The following CCDC68 variants were observed in gnomAD, a reference collection of about 807,000 sequenced individuals.
CCDC68 encodes coiled-coil domain containing 68, also known as coiled-coil domain-containing protein 68.
Under a neutral mutation model 47.1 loss-of-function variants are expected in CCDC68, and 45 were observed. The ratio of observed to expected loss-of-function variants is 0.96; its 90% CI spans 0.75 to 1.23. The LOEUF (loss-of-function observed/expected upper bound fraction) is 1.23, where lower values mean the gene tolerates loss of function less well. CCDC68 is among the 50% of genes most tolerant of loss of function. CCDC68 has a pLI of 0.00. For synonymous variants in CCDC68, 131 were observed against 129.5 expected, an observed-to-expected ratio of 1.01 and a Z score of -0.08; for missense variants, 353 against 373.6, an observed-to-expected ratio of 0.94 and a Z score of 0.45.
chr18:54,904,680 A>G (rs1913884621), intron 11 of CCDC68, among the ~76,000 whole-genome samples: 1 of 152,182 alleles, frequency 6.6e-6, no homozygotes, highest in Non-Finnish European at 1.5e-5. Flanking sequence ...CGGAGAGAGG[A>G]AGAGCCTGTA....
Position 54,903,688 on chromosome 18 carries a change from G to C in CCDC68, c.*670C>G, listed in dbSNP as rs1913811372. 1 of 152,122 alleles carries C rather than the reference G, an allele frequency of 6.6e-6. No homozygotes were observed. The highest frequency in any genetic ancestry group is 6.6e-5 in the Admixed American group (1 of 15,260). 9.4% of individuals were successfully genotyped at this position (152,122 alleles called of 1,614,324 possible). A position where few individuals can be genotyped will look rare whatever the true frequency, so the allele number is the denominator to read the frequency against. ...CTCTAGAAACCAATTTTTAATCCCA[G>C]AACTAAGAAGAACAGTCATTCTCTG... On this transcript the variant is annotated 3_prime_UTR_variant, in exon 12 of 12. Transcript: ENST00000591504.
intron 10 of CCDC68, among the ~76,000 whole-genome samples, chr18:54,908,266 T>C (rs1439796749): frequency 6.6e-6 from 1 of 152,196 alleles, no homozygotes; most frequent in African/African-American, 2.4e-5. Context: ...CCCATGAAAA[T>C]AGGTACCATC....
chr18:54,958,707 A>G (rs946038541), intron 1 of CCDC68, among the ~76,000 whole-genome samples: 5 of 152,206 alleles, frequency 3.3e-5, no homozygotes, highest in African/African-American at 1.2e-4. Context: ...ACGGTCCCGT[A>G]CTAACCTTCA....
intron 4 of CCDC68, among the ~76,000 whole-genome samples, chr18:54,938,651 C>T (rs918108940): frequency 1.3e-5 from 2 of 152,234 alleles, no homozygotes; most frequent in Admixed American, 6.5e-5. Flanking sequence ...ATCGTGGACA[C>T]ACGGAGGTGG....
intron 3 of CCDC68, among the ~76,000 whole-genome samples, chr18:54,942,000 G>T (rs1349101259): frequency 6.6e-6 from 1 of 152,068 alleles, no homozygotes; most frequent in Non-Finnish European, 1.5e-5. Context: ...ATTTCTCCAT[G>T]TTGGTCAGAC....
chr18:54,950,916 T>G (rs2044606203), intron 1 of CCDC68, among the ~76,000 whole-genome samples: 1 of 127,306 alleles, frequency 7.9e-6, no homozygotes, highest in Admixed American at 8.0e-5. Flanking sequence ...TTTTTTTTTT[T>G]TTTTTTTTTT....
intron 11 of CCDC68, among the ~76,000 whole-genome samples, chr18:54,906,392 GC>G (rs1485093058): frequency 6.6e-6 from 1 of 152,120 alleles, no homozygotes; most frequent in African/African-American, 2.4e-5. Context: ...CTAATTAATA[GC>G]TGTAGCTAAA....
intron 7 of CCDC68, among the ~76,000 whole-genome samples, chr18:54,933,769 A>G (rs2044301999): frequency 6.6e-6 from 1 of 152,238 alleles, no homozygotes; most frequent in Non-Finnish European, 1.5e-5. Flanking sequence ...CATGCAGCTG[A>G]ATATTATCTT....
At chr18:54,919,459 C>T (rs1599039500) in intron 8 of CCDC68, 83 bp from the exon 9 acceptor site, 11 of 1,152,482 alleles carry the variant, frequency 9.5e-6, no homozygotes, top group Middle Eastern at 2.8e-4. Context: ...AGCCCTCCTA[C>T]ACACTCTACT....
chr18:54,924,743 C>T (rs899675484), intron 8 of CCDC68, among the ~76,000 whole-genome samples: 1 of 152,202 alleles, frequency 6.6e-6, no homozygotes, highest in Non-Finnish European at 1.5e-5. Flanking sequence ...TACTCCCCAA[C>T]GTCTCCCAAA....
In CCDC68 at chr18:54,952,105, C is replaced by T. The variant is rs1205603774; in HGVS notation, c.-102-6628G>A. Among the ~76,000 whole-genome samples the T allele has an allele frequency of 2.0e-5, 3 of 152,162 alleles. No individual in the cohort carries two copies. The East Asian group carries it at 5.8e-4, about 29-fold the overall frequency. ...AGGACATGATTTGAAAGTGTCAATT[C>T]CCAAGCTTAGTTTTCCCCTCACTAT... On this transcript the variant is annotated intron_variant, in intron 1 of 11. Coordinates refer to ENST00000591504, the MANE Select transcript of CCDC68 (RefSeq NM_025214.3).
chr18:54,957,627 A>ACTCTCT lies in CCDC68; in HGVS notation c.-103+1703_-103+1708dup, dbSNP rs60851819. Reference sequence around the variant, plus strand: ...AAACAATGTACACACACACACACACACTCTCTCTCTCTCTCTCTCTCTCTC... The same window carrying ACTCTCT: ...AAACAATGTACACACACACACACACACTCTCTCTCTCTCTCTCTCTCTCTCTCTCTC... On this transcript the variant is annotated intron_variant, in intron 1 of 11. Coordinates refer to ENST00000591504, the MANE Select transcript of CCDC68 (RefSeq NM_025214.3). Among the ~76,000 whole-genome samples, 393 of 143,834 alleles carry ACTCTCT rather than the reference A, an allele frequency of 2.7e-3. 6 individuals are homozygous for ACTCTCT. In the East Asian group the frequency reaches 0.032, roughly 12 times the overall value. The allele number at this position is 143,834 out of a possible 152,430, so 94.4% of individuals were successfully genotyped here.
rs2044193278 is a variant in CCDC68 at position 54,928,856 on chromosome 18, T to G, written c.627A>C (p.Lys209Asn). The change falls in exon 8 of 12, where the codon AAA (lysine) becomes AAC (asparagine). Residue 209 changes from lysine to asparagine, a missense_variant. Transcript: ENST00000591504. ...GCAGTAGCTTGTTTTCCAAAGACAG[T>G]TTTCTTTCTAGTAGTGTTCTCTTTT... The part of the protein sequence containing the change: ...EKEKRTLLER[K>N]LSLENKLLQL... 6.2e-7 allele frequency: 1 copy of G among 1,611,466 alleles called. No homozygotes were observed. Among genetic ancestry groups the G allele is most frequent in the African/African-American group, 1.3e-5 (1 of 74,980 alleles).
At chr18:54,939,914 C>T (rs560761510) in intron 4 of CCDC68, among the ~76,000 whole-genome samples, 8 of 152,088 alleles carry the variant, frequency 5.3e-5, no homozygotes, top group South Asian at 2.1e-4. Context: ...CTGTGGTCTA[C>T]GGTCCCAGCA....
In CCDC68 at chr18:54,938,028, T is replaced by C; in HGVS notation, c.274A>G (p.Met92Val). The C allele has an allele frequency of 6.2e-7, 1 of 1,613,840 alleles. No homozygotes were observed. Among genetic ancestry groups the C allele is most frequent in the South Asian group, 1.1e-5 (1 of 91,048 alleles). Reference protein sequence around the residue: ...DPSCCSLDLLMKKIKGKDLQL... With the variant: ...DPSCCSLDLLVKKIKGKDLQL... ...AGGTCTTTTCCTTTTATCTTTTTCA[T>C]AAGCAAATCCAAACTGCAACAAGAA... The change falls in exon 5 of 12, where the codon ATG becomes GTG. Residue 92 changes from methionine (M) to valine (V), a missense_variant. Physicochemically the swap from Met to Val is conservative, Grantham distance 21. Transcript: ENST00000591504.
intron 1 of CCDC68, among the ~76,000 whole-genome samples, chr18:54,953,653 A>G (rs2044659669): frequency 6.6e-6 from 1 of 152,094 alleles, no homozygotes; most frequent in African/African-American, 2.4e-5. Flanking sequence ...TGACTAGTCA[A>G]TTAAACTTAG....
Position 54,936,888 on chromosome 18 carries a change from T to C in CCDC68, c.416A>G (p.Gln139Arg), listed in dbSNP as rs1222176748. ...CTTTCTCACTTCTTCAGATTGCGTT[T>C]GGTAGTTTTCAAATAATCTCTGGGC... ...NVAQRLFENY[Q>R]TQSEEVRKKQ... The change falls in exon 6 of 12, where the codon CAA (glutamine) becomes CGA (arginine). Residue 139 changes from glutamine to arginine, a missense_variant. Transcript: ENST00000591504. 3 of 1,614,160 alleles carry C rather than the reference T, an allele frequency of 1.9e-6. No individual in the cohort carries two copies. The highest frequency in any genetic ancestry group is 1.6e-4 in the Middle Eastern group (1 of 6,062).
chr18:54,949,573 G>A (rs980275673), intron 1 of CCDC68, among the ~76,000 whole-genome samples: 6 of 152,164 alleles, frequency 3.9e-5, no homozygotes, highest in Admixed American at 6.5e-5. Flanking sequence ...CTGATTGACC[G>A]CACAGAGGTA....
intron 1 of CCDC68, among the ~76,000 whole-genome samples, chr18:54,953,771 A>C (rs990229221): frequency 2.0e-5 from 3 of 152,242 alleles, no homozygotes; most frequent in Admixed American, 2.0e-4. Context: ...ACAATAATAC[A>C]TAAGAAATAT....
Sources: allele counts gnomAD v4.1 joint callset (sites outside exome capture counted in the v4.1 genomes callset), GRCh38; gene constraint gnomAD v4.1.1; transcripts MANE v1.5; gene names NCBI Gene and HGNC (gene_info 2026-07-23, HGNC 2026-07-21).